Variants in ARHGEF17 observed in about 807,000 individuals in gnomAD.
The protein encoded by ARHGEF17 is 164 kDa Rho-specific guanine-nucleotide exchange factor.
Under a neutral mutation model 174.0 loss-of-function variants are expected in ARHGEF17, and 80 were observed. That is an observed-to-expected ratio of 0.46 (90% CI 0.38 to 0.55). The LOEUF is 0.55. Ranked by LOEUF, ARHGEF17 falls within the 20% of genes least tolerant of loss-of-function variation. The pLI, the probability that ARHGEF17 is intolerant of heterozygous loss-of-function variation, is 0.00. For missense variants in ARHGEF17, 2,886 were observed against 2,839.7 expected, an observed-to-expected ratio of 1.02 and a Z score of -0.37; for synonymous variants, 1,311 against 1,189.1, an observed-to-expected ratio of 1.10 and a Z score of -2.11.
rs1233513312 is a variant in ARHGEF17 at position 73,310,548 on chromosome 11, C to T, written c.1910C>T (p.Ser637Leu). 2 of 1,614,044 alleles carry T rather than the reference C, an allele frequency of 1.2e-6. No individual in the cohort carries two copies. The highest frequency in any genetic ancestry group is 1.7e-6 in the Non-Finnish European group (2 of 1,180,030). ...GGGCAGCGGTCCCAGGAGGAGCTCT[C>T]AGGCCCTGAGTCCAGTCTGACAGAT... ...TRGQRSQEEL[S>L]GPESSLTDEG... The change falls in exon 1 of 21, where the codon TCA (serine) becomes TTA (leucine). Residue 637 changes from serine to leucine, a missense_variant. Around this residue, in one of 4 missense-constraint regions of ARHGEF17, gnomAD observed 1,728 missense variants for 1,461.2 expected, o/e 1.18. Transcript: ENST00000263674.
chr11:73,316,315 A>T (rs1185473197), intron 1 of ARHGEF17, among the ~76,000 whole-genome samples: 1 of 152,262 alleles, frequency 6.6e-6, no homozygotes, highest in Non-Finnish European at 1.5e-5. Flanking sequence ...AAGACATGTC[A>T]GGCCTTCTAG....
In ARHGEF17 at chr11:73,309,480, G is replaced by C; in HGVS notation, c.842G>C (p.Arg281Pro). The C allele has an allele frequency of 6.5e-7, 1 of 1,544,326 alleles. No homozygotes were observed. Among genetic ancestry groups the C allele is most frequent in the African/African-American group, 1.4e-5 (1 of 72,578 alleles). Residue 281 changes from arginine to proline, a missense_variant, in exon 1 of 21, where the codon CGA becomes CCA. Arg to Pro is a moderately radical substitution (Grantham distance 103, BLOSUM62 -2). Transcript: ENST00000263674. Reference sequence around the variant, plus strand: ...CACTCCTCGGGCAGTGACGACGACCGAGACGGTGAGGGCGGCCACCGCTGG... The same window carrying C: ...CACTCCTCGGGCAGTGACGACGACCCAGACGGTGAGGGCGGCCACCGCTGG... ...GGHSSGSDDD[R>P]DGEGGHRWGG... is the part of the protein sequence containing the mutation.
chr11:73,362,354 G>A (rs1032538693), intron 13 of ARHGEF17, 79 bp from the exon 14 acceptor site: 29 of 1,451,550 alleles, frequency 2.0e-5, no homozygotes, highest in Admixed American at 2.6e-5. Flanking sequence ...GCGAGTGTGG[G>A]CGGGGTCGGT....
intron 2 of ARHGEF17, 111 bp from the exon 3 acceptor site, chr11:73,352,719 G>A (rs1865574793): frequency 1.7e-5 from 20 of 1,176,652 alleles, no homozygotes; most frequent in South Asian, 2.7e-5. Context: ...AAGGCAGGGC[G>A]CTGAGCTGCA....
rs1193540561 is a variant in ARHGEF17, at chr11:73,366,223, G to A, written c.5995+276G>A. Among the ~76,000 whole-genome samples, 3 of 152,018 alleles carry A rather than the reference G, an allele frequency of 2.0e-5. No homozygotes were observed. In the East Asian group the frequency reaches 5.8e-4, roughly 29 times the overall value. ...ACAGGGAGGGAACTATAACCTAAGA[G>A]GTAGAATATGTCACAAATAGAATAT... On this transcript the variant is annotated intron_variant, in intron 20 of 20. Transcript: ENST00000263674.
chr11:73,362,703 C>T lies in ARHGEF17; in HGVS notation c.4965C>T (p.Ala1655=). 1 of 1,606,444 alleles carries T rather than the reference C, an allele frequency of 6.2e-7. No individual in the cohort carries two copies. Among genetic ancestry groups the T allele is most frequent in the Non-Finnish European group, 8.5e-7 (1 of 1,177,704 alleles). The part of the protein sequence containing the change: ...PSPSGTLQSQ[A]SRSTISSSFG... ...CCTCGGGGACGCTGCAGAGCCAGGC[C>T]AGCCGGTCCACCATCTCCTCCAGCT... is the stretch of plus-strand genomic sequence containing the variant. The change falls in exon 14 of 21, where the codon GCC becomes GCT. Residue 1655 remains alanine, a synonymous_variant. Coordinates refer to ENST00000263674, the MANE Select transcript of ARHGEF17 (RefSeq NM_014786.4).
In ARHGEF17 at chr11:73,311,196, T is replaced by G; in HGVS notation, c.2558T>G (p.Val853Gly). Residue 853 changes from valine (V) to glycine (G), a missense_variant, in exon 1 of 21, where the codon GTT becomes GGT. Physicochemically the swap from Val to Gly is moderately radical, Grantham distance 109. Transcript: ENST00000263674. ...EGPGGEPIRE[V>G]EPMLPPSSSE... ...CCTGGAGGGGAGCCCATCCGAGAAGTTGAGCCCATGCTGCCTCCATCCAGC... is the reference window on the plus strand; with the variant it reads ...CCTGGAGGGGAGCCCATCCGAGAAGGTGAGCCCATGCTGCCTCCATCCAGC... 6.3e-7 allele frequency: 1 copy of G among 1,598,736 alleles called. No homozygotes were observed. Among genetic ancestry groups the G allele is most frequent in the Non-Finnish European group, 8.5e-7 (1 of 1,169,854 alleles).
rs149321700 is a variant in ARHGEF17 at position 73,310,373 on chromosome 11, G to C, written c.1735G>C (p.Glu579Gln). The C allele has an allele frequency of 1.8e-3, 2,958 of 1,613,876 alleles. 3 individuals carry two copies. The highest frequency in any genetic ancestry group is 2.4e-3 in the Non-Finnish European group (2,836 of 1,180,016). The change falls in exon 1 of 21, where the codon GAG becomes CAG. Residue 579 changes from glutamate (E) to glutamine (Q), a missense_variant. By Grantham distance (29) the Glu-to-Gln change is conservative (BLOSUM62 2). This residue lies in a region of ARHGEF17 where 1,728 missense variants were observed against 1,461.2 expected (regional missense o/e 1.18). Coordinates refer to ENST00000263674, the MANE Select transcript of ARHGEF17 (RefSeq NM_014786.4). ...GCTCCTGCTCACAGGCCCTGGTGCC[G>C]AGGAGGATCCGCTGCCCCTCATCGT... ...SELLLTGPGA[E>Q]EDPLPLIVQD...
At position 73,311,442 on chromosome 11, in the gene ARHGEF17, G is replaced by A. The variant is rs758564668; in HGVS notation, c.2804G>A (p.Arg935Gln). 1.9e-5 allele frequency: 30 copies of A among 1,613,312 alleles called. No homozygotes were observed. The highest frequency in any genetic ancestry group is 1.7e-4 in the African/African-American group (13 of 75,038). ...GCTCGGAGTAGTCACCAGGAGCTTC[G>A]GAGAGACGAGGGCAGTCAGGACCAG... ...RPARSSHQEL[R>Q]RDEGSQDQTG... The change falls in exon 1 of 21, where the codon CGG becomes CAG. Residue 935 changes from arginine (R) to glutamine (Q), a missense_variant. Arg to Gln is a conservative substitution (Grantham distance 43). Coordinates refer to ENST00000263674, the MANE Select transcript of ARHGEF17 (RefSeq NM_014786.4).
chr11:73,344,106 G>T (rs1449926517), intron 1 of ARHGEF17, among the ~76,000 whole-genome samples: 1 of 152,154 alleles, frequency 6.6e-6, no homozygotes, highest in Non-Finnish European at 1.5e-5. Context: ...TCAGTGCCCG[G>T]TGTAGCGAAG....
At position 73,356,337 on chromosome 11, in the gene ARHGEF17, G is replaced by A. The variant is rs1286452640; in HGVS notation, c.3826G>A (p.Glu1276Lys). ...RVLQEIEAHI[E>K]GMEDLQAPLR... ...GCTGCAGGAGATAGAGGCTCACATC[G>A]AGGGCATGGAGGATGTGCGTGCGCC... Residue 1276 changes from glutamate (E) to lysine (K), a missense_variant, in exon 6 of 21, where the codon GAG becomes AAG. Glu to Lys is a moderately conservative substitution (Grantham distance 56). Around this residue, in one of 4 missense-constraint regions of ARHGEF17, gnomAD observed 353 missense variants for 470.3 expected, o/e 0.75. Transcript: ENST00000263674. 1.2e-6 allele frequency: 2 copies of A among 1,610,740 alleles called. No homozygotes were observed. Among genetic ancestry groups the A allele is most frequent in the Non-Finnish European group, 1.7e-6 (2 of 1,179,966 alleles).
chr11:73,310,120 CGGG>C lies in ARHGEF17; in HGVS notation c.1484_1486del (p.Gly495del). The C allele has an allele frequency of 6.2e-7, 1 of 1,614,054 alleles. No individual in the cohort carries two copies. The highest frequency in any genetic ancestry group is 1.7e-5 in the Admixed American group (1 of 60,022). ...GGGTCCGAAAACCTGGTGGGAGCTC[CGGG>C]GACCGTGGAAGCAACCCCCTAGATG... is the stretch of plus-strand genomic sequence containing the variant. On this transcript the variant is annotated inframe_deletion, in exon 1 of 21. Transcript: ENST00000263674.
chr11:73,345,453 G>C (rs1164054681), intron 1 of ARHGEF17, among the ~76,000 whole-genome samples: 1 of 152,100 alleles, frequency 6.6e-6, no homozygotes, highest in Non-Finnish European at 1.5e-5. Context: ...GACAGGCCTT[G>C]CCCCTGAGTC....
chr11:73,325,256 G>C (rs1865081998), intron 1 of ARHGEF17, among the ~76,000 whole-genome samples: 1 of 152,132 alleles, frequency 6.6e-6, no homozygotes, highest in Non-Finnish European at 1.5e-5. Flanking sequence ...CTCCCTCTGG[G>C]CCCCTAGCCC....
intron 1 of ARHGEF17, among the ~76,000 whole-genome samples, chr11:73,312,805 A>T (rs1265671011): frequency 6.6e-6 from 1 of 151,462 alleles, no homozygotes; most frequent in Non-Finnish European, 1.5e-5. Flanking sequence ...TGACTCTGAG[A>T]TGCACCCCGT....
chr11:73,311,437 G>C lies in ARHGEF17; in HGVS notation c.2799G>C (p.Glu933Asp). 6.2e-7 allele frequency: 1 copy of C among 1,613,366 alleles called. No individual in the cohort carries two copies. Among genetic ancestry groups the C allele is most frequent in the Non-Finnish European group, 8.5e-7 (1 of 1,180,038 alleles). Residue 933 changes from glutamate (E) to aspartate (D), a missense_variant, in exon 1 of 21, where the codon GAG becomes GAC. Around this residue, in one of 4 missense-constraint regions of ARHGEF17, gnomAD observed 1,728 missense variants for 1,461.2 expected, o/e 1.18. Transcript: ENST00000263674. ...KKRPARSSHQ[E>D]LRRDEGSQDQ... The stretch of plus-strand genomic sequence containing the variant: ...GCCCAGCTCGGAGTAGTCACCAGGA[G>C]CTTCGGAGAGACGAGGGCAGTCAGG...
intron 5 of ARHGEF17, 101 bp from the exon 6 acceptor site, chr11:73,356,074 G>C: frequency 6.3e-7 from 1 of 1,575,372 alleles, no homozygotes; most frequent in Non-Finnish European, 8.7e-7. Context: ...AGGTAGGAAA[G>C]ATAGTCCTCT....
chr11:73,343,953 G>A (rs1339098948), intron 1 of ARHGEF17, among the ~76,000 whole-genome samples: 1 of 152,204 alleles, frequency 6.6e-6, no homozygotes, highest in East Asian at 1.9e-4. Context: ...TTTCTGTGTG[G>A]GGCGGCTTGC....
chr11:73,361,035 G>A, intron 11 of ARHGEF17, 53 bp from the exon 12 acceptor site: 1 of 1,482,382 alleles, frequency 6.7e-7, no homozygotes, highest in Non-Finnish European at 9.4e-7. Context: ...GGACCAGGGT[G>A]AGATGGATGC....
Sources: gnomAD v4.1 joint callset for allele counts (sites outside exome capture counted in the v4.1 genomes callset) on GRCh38, gnomAD v4.1.1 for gene constraint, gnomAD v4.1.1 regional missense constraint, MANE v1.5 for transcripts, NCBI Gene and HGNC (gene_info 2026-07-23, HGNC 2026-07-21) for gene names.